Variants in RBFOX1 observed in about 807,000 individuals in gnomAD.
RBFOX1 encodes the protein RNA binding fox-1 homolog 1.
Under a neutral mutation model 57.7 loss-of-function variants are expected in RBFOX1, and 8 were observed. That is an observed-to-expected ratio of 0.14 (90% CI 0.08 to 0.25). The LOEUF is 0.25. Among genes scored for constraint, RBFOX1 ranks in the 10% least tolerant of loss-of-function variants. The pLI, the probability that RBFOX1 is intolerant of heterozygous loss-of-function variation, is 1.00. For missense variants in RBFOX1, 611 were observed against 548.5 expected, an observed-to-expected ratio of 1.11 and a Z score of -1.14; for synonymous variants, 326 against 222.4, an observed-to-expected ratio of 1.47 and a Z score of -4.15.
chr16:7,036,316 C>T (rs1386955535), intron 3 of RBFOX1, among the ~76,000 whole-genome samples: 1 of 151,948 alleles, frequency 6.6e-6, no homozygotes, highest in East Asian at 1.9e-4. Flanking sequence ...CTTTCAGAAG[C>T]AGTAGCCAAT....
chr16:6,512,109 CAAATA>C (rs1198096680), intron 2 of RBFOX1, among the ~76,000 whole-genome samples: 1 of 146,454 alleles, frequency 6.8e-6, no homozygotes, highest in East Asian at 2.0e-4. Context: ...CTCTTCTCTA[CAAATA>C]AAATGAAAAA....
intron 3 of RBFOX1, among the ~76,000 whole-genome samples, chr16:7,044,430 G>A (rs1177805246): frequency 6.6e-6 from 1 of 152,212 alleles, no homozygotes; most frequent in Non-Finnish European, 1.5e-5. Flanking sequence ...GAGTGAGAAA[G>A]CGTCTTTGGC....
chr16:6,838,644 G>A (rs1320050129), intron 3 of RBFOX1, among the ~76,000 whole-genome samples: 1 of 152,098 alleles, frequency 6.6e-6, no homozygotes, highest in East Asian at 1.9e-4. Context: ...AACACCACTG[G>A]TTTGTCCTAG....
chr16:7,123,579 G>A (rs1600186628), intron 4 of RBFOX1, among the ~76,000 whole-genome samples: 1 of 151,948 alleles, frequency 6.6e-6, no homozygotes, highest in Non-Finnish European at 1.5e-5. Flanking sequence ...TGTCCAGGTT[G>A]GTCTCAAATT....
rs571815953 is a variant in RBFOX1, at chr16:5,411,485, G to A, written c.220-55731G>A. ...CATCCAGGAGGAACACAGCCCTGTCGATACCTTGATTCTAGGCCAGTGAGT... is the reference window on the plus strand; with the variant it reads ...CATCCAGGAGGAACACAGCCCTGTCAATACCTTGATTCTAGGCCAGTGAGT... On this transcript the variant is annotated intron_variant, in intron 1 of 2. Coordinates refer to the RBFOX1 transcript ENST00000585867. 3.3e-5 allele frequency among the ~76,000 whole-genome samples: 5 copies of A among 152,316 alleles called. No individual in the cohort carries two copies. In the South Asian group the frequency reaches 1.0e-3, roughly 32 times the overall value.
At chr16:7,155,857 A>G (rs17142713) in intron 4 of RBFOX1, among the ~76,000 whole-genome samples, 32,223 of 150,916 alleles carry the variant, frequency 0.21, 3,758 homozygotes, top group African/African-American at 0.29. Context: ...GTGATGAACC[A>G]TATGTAGTGG....
Position 6,019,943 on chromosome 16 carries a change from G to C in RBFOX1, c.-176G>C, listed in dbSNP as rs947955076. On this transcript the variant is annotated 5_prime_UTR_variant, in exon 1 of 16. Coordinates refer to ENST00000550418, the MANE Select transcript of RBFOX1 (RefSeq NM_018723.4). This position sits in a 1 kb window ranked among gnomAD's most constrained non-coding sequence, Gnocchi z 4.2. ...GTGCAGAGAGCGCACGGGAATTCGG[G>C]GGTCTGGGGCCGAGAACGTGACCGC... is the stretch of plus-strand genomic sequence containing the variant. The C allele has an allele frequency of 6.5e-7, 1 of 1,534,472 alleles. No individual in the cohort carries two copies. The highest frequency in any genetic ancestry group is 2.5e-5 in the East Asian group (1 of 40,808).
At chr16:7,127,284 A>G (rs1284316605) in intron 4 of RBFOX1, among the ~76,000 whole-genome samples, 1 of 152,172 alleles carries the variant, frequency 6.6e-6, no homozygotes, top group African/African-American at 2.4e-5. Flanking sequence ...AATATTATCC[A>G]TAGTACTTAT....
intron 4 of RBFOX1, among the ~76,000 whole-genome samples, chr16:7,361,527 G>A (rs1348714560): frequency 6.6e-6 from 1 of 152,188 alleles, no homozygotes. Flanking sequence ...GGTTAGACCA[G>A]GTGAGTCCGA....
At position 6,485,284 on chromosome 16, in the gene RBFOX1, G is replaced by A. The variant is rs564423924; in HGVS notation, c.-64+168227G>A. 3.9e-5 allele frequency among the ~76,000 whole-genome samples: 6 copies of A among 152,254 alleles called. No individual in the cohort carries two copies. The East Asian group carries it at 5.8e-4, about 15-fold the overall frequency. The stretch of plus-strand genomic sequence containing the variant: ...TAGAATACTCAGAGGTTATGAAGAG[G>A]GAATTGTTAATCTGAGGAATGAGGT... On this transcript the variant is annotated intron_variant, in intron 2 of 15. Coordinates refer to ENST00000550418, the MANE Select transcript of RBFOX1 (RefSeq NM_018723.4).
intron 11 of RBFOX1, among the ~76,000 whole-genome samples, chr16:7,648,902 C>G (rs2064328733): frequency 6.6e-6 from 1 of 152,152 alleles, no homozygotes; most frequent in Non-Finnish European, 1.5e-5. Context: ...TGAAATCATA[C>G]TCTTTCAAAA....
intron 2 of RBFOX1, among the ~76,000 whole-genome samples, chr16:6,402,909 C>G (rs1157416882): frequency 2.0e-5 from 3 of 152,176 alleles, no homozygotes; most frequent in East Asian, 1.9e-4. Context: ...AATATAAACA[C>G]TAATCAAAGC....
chr16:7,487,086 G>A (rs928291227), intron 4 of RBFOX1, among the ~76,000 whole-genome samples: 1 of 152,064 alleles, frequency 6.6e-6, no homozygotes, highest in Non-Finnish European at 1.5e-5. Flanking sequence ...TTTTAGTAGA[G>A]ATGAGGTTTC....
At chr16:7,050,543 G>C (rs546630554) in intron 3 of RBFOX1, among the ~76,000 whole-genome samples, 2 of 152,106 alleles carry the variant, frequency 1.3e-5, no homozygotes, top group African/African-American at 4.8e-5. Flanking sequence ...TGGGATTACA[G>C]GCATGAGCAA....
chr16:7,278,090 G>C (rs1302866068), intron 4 of RBFOX1, among the ~76,000 whole-genome samples: 1 of 152,178 alleles, frequency 6.6e-6, no homozygotes. Context: ...TAAATTGGTT[G>C]CTTAATGAAT....
At chr16:7,568,729 CA>C (rs1162699127) in intron 5 of RBFOX1, among the ~76,000 whole-genome samples, 15 of 151,156 alleles carry the variant, frequency 9.9e-5, no homozygotes, top group African/African-American at 3.6e-4. Flanking sequence ...ACTAAAAATA[CA>C]AAAAAAATTA....
At chr16:6,151,144 T>C (rs1437687157) in intron 1 of RBFOX1, among the ~76,000 whole-genome samples, 1 of 152,160 alleles carries the variant, frequency 6.6e-6, no homozygotes, top group Non-Finnish European at 1.5e-5. Flanking sequence ...GCTGAATCTC[T>C]TTTCCTCCCT....
At chr16:5,487,748 G>T (rs115847424) in intron 2 of RBFOX1, among the ~76,000 whole-genome samples, 210 of 152,226 alleles carry the variant, frequency 1.4e-3, no homozygotes, top group African/African-American at 4.9e-3. Flanking sequence ...ACCTCTGCTT[G>T]CCCTCAGTAT....
intron 1 of RBFOX1, among the ~76,000 whole-genome samples, chr16:6,105,084 G>A: frequency 6.6e-6 from 1 of 152,148 alleles, no homozygotes; most frequent in African/African-American, 2.4e-5. Flanking sequence ...CCAAGAAGGA[G>A]ATGGTGACTT....
Sources: allele counts gnomAD v4.1 joint callset (sites outside exome capture counted in the v4.1 genomes callset), GRCh38; gene constraint gnomAD v4.1.1; non-coding constraint Gnocchi (gnomAD v3.1); transcripts MANE v1.5; gene names NCBI Gene and HGNC (gene_info 2026-07-23, HGNC 2026-07-21).